Variants in KCNB2 observed in about 807,000 individuals in gnomAD.
KCNB2 encodes delayed rectifier potassium channel protein.
Under a neutral mutation model 61.5 loss-of-function variants are expected in KCNB2, and 15 were observed. That is an observed-to-expected ratio of 0.24 (90% CI 0.16 to 0.38). The LOEUF is 0.38. Ranked by LOEUF, KCNB2 falls within the 10% of genes least tolerant of loss-of-function variation. The pLI, the probability that KCNB2 is intolerant of heterozygous loss-of-function variation, is 1.00. For missense variants in KCNB2, 828 were observed against 1,125.2 expected, an observed-to-expected ratio of 0.74 and a Z score of 3.78; for synonymous variants, 457 against 446.0, an observed-to-expected ratio of 1.02 and a Z score of -0.31.
At chr8:72,598,314 G>A (rs898151305) in intron 2 of KCNB2, among the ~76,000 whole-genome samples, 16 of 152,134 alleles carry the variant, frequency 1.1e-4, no homozygotes, top group Admixed American at 5.2e-4. Context: ...ATCAATAAAC[G>A]TAATCCAGCA....
intron 2 of KCNB2, among the ~76,000 whole-genome samples, chr8:72,863,064 T>A (rs1805447011): frequency 6.6e-6 from 1 of 152,222 alleles, no homozygotes; most frequent in South Asian, 2.1e-4. Flanking sequence ...AATTACAATA[T>A]AATGTTAAGA....
At position 72,936,636 on chromosome 8, in the gene KCNB2, G is replaced by A; in HGVS notation, c.1281G>A (p.Gln427=). The A allele has an allele frequency of 6.2e-7, 1 of 1,614,178 alleles. No homozygotes were observed. Among genetic ancestry groups the A allele is most frequent in the Non-Finnish European group, 8.5e-7 (1 of 1,180,014 alleles). The change falls in exon 3 of 3, where the codon CAG becomes CAA. Residue 427 remains glutamine, a synonymous_variant. Coordinates refer to ENST00000523207, the MANE Select transcript of KCNB2 (RefSeq NM_004770.3). This position sits in a 1 kb window ranked among gnomAD's most constrained non-coding sequence, Gnocchi z 5.6. ...VNNFSEFYKE[Q]KRQEKAIKRR... ...ATTTTTCTGAGTTTTACAAGGAGCA[G>A]AAACGCCAAGAGAAAGCAATTAAAA...
At chr8:72,617,953 C>T (rs894221681) in intron 2 of KCNB2, among the ~76,000 whole-genome samples, 3 of 152,156 alleles carry the variant, frequency 2.0e-5, no homozygotes, top group South Asian at 4.1e-4. Flanking sequence ...TGTGGTGGAA[C>T]GACTTCAGGG....
rs541875949 is a variant in KCNB2 at position 72,603,186 on chromosome 8, A to G, written c.579+34873A>G. Among the ~76,000 whole-genome samples, 9 of 152,192 alleles carry G rather than the reference A, an allele frequency of 5.9e-5. No homozygotes were observed. The East Asian group carries it at 9.7e-4, about 16-fold the overall frequency. ...TGTGTGATTGTGTCACTTCTCATCA[A>G]TGGCTCCTATTGGTTTATAAAGCGA... On this transcript the variant is annotated intron_variant, in intron 2 of 2. Coordinates refer to ENST00000523207, the MANE Select transcript of KCNB2 (RefSeq NM_004770.3).
chr8:72,794,305 G>A lies in KCNB2; in HGVS notation c.580-141630G>A, dbSNP rs553806173. Among the ~76,000 whole-genome samples, 16 of 152,286 alleles carry A rather than the reference G, an allele frequency of 1.1e-4. No individual in the cohort carries two copies. The South Asian group carries it at 3.1e-3, about 30-fold the overall frequency. ...ATGGTGGCCGGACACGGTGGCTCAC[G>A]CCTGTAATCCCAGCACTTTGGGAGG... On this transcript the variant is annotated intron_variant, in intron 2 of 2. Coordinates refer to ENST00000523207, the MANE Select transcript of KCNB2 (RefSeq NM_004770.3).
chr8:72,924,860 T>C (rs112998361), intron 2 of KCNB2, among the ~76,000 whole-genome samples: 1,679 of 152,242 alleles, frequency 0.011, 32 homozygotes, highest in African/African-American at 0.038. Context: ...CTACTGTTCA[T>C]AGGGCCCTGG....
chr8:72,718,354 C>T (rs1310235312), intron 2 of KCNB2, among the ~76,000 whole-genome samples: 2 of 152,142 alleles, frequency 1.3e-5, no homozygotes, highest in African/African-American at 4.8e-5. Flanking sequence ...GCTATAAAGA[C>T]ACATGCACAC....
At chr8:72,727,962 T>G (rs1168761405) in intron 2 of KCNB2, among the ~76,000 whole-genome samples, 2 of 152,194 alleles carry the variant, frequency 1.3e-5, no homozygotes, top group African/African-American at 4.8e-5. Context: ...ACCAGAATTA[T>G]ATATCCAAAA....
Position 72,937,574 on chromosome 8 carries a change from C to A in KCNB2, c.2219C>A (p.Thr740Asn). ...PPSTARPLPV[T>N]TADFSLTTPQ... ...AGCACAGCCAGGCCACTGCCAGTCA[C>A]CACAGCTGACTTTTCGCTCACTACC... Residue 740 changes from threonine to asparagine, a missense_variant, in exon 3 of 3, where the codon ACC (threonine) becomes AAC (asparagine). Around this residue, in one of 4 missense-constraint regions of KCNB2, gnomAD observed 559 missense variants for 588.4 expected, o/e 0.95. Coordinates refer to ENST00000523207, the MANE Select transcript of KCNB2 (RefSeq NM_004770.3). 6.2e-7 allele frequency: 1 copy of A among 1,614,100 alleles called. No individual in the cohort carries two copies. The highest frequency in any genetic ancestry group is 8.5e-7 in the Non-Finnish European group (1 of 1,180,008).
At chr8:72,831,799 T>G (rs1459894272) in intron 2 of KCNB2, among the ~76,000 whole-genome samples, 1 of 152,238 alleles carries the variant, frequency 6.6e-6, no homozygotes, top group Non-Finnish European at 1.5e-5. Context: ...TGAGAAAAGA[T>G]GCAAGGAATT....
In KCNB2 at chr8:72,938,063, A is replaced by G. The variant is rs1219925157; in HGVS notation, c.2708A>G (p.Tyr903Cys). ...CATTCCAACCCAGGAGACACAGGTT[A>G]TTGTCCCACACGTGAAACCAGCATG... ...EIHSNPGDTG[Y>C]CPTRETSM The change falls in exon 3 of 3, where the codon TAT becomes TGT. Residue 903 changes from tyrosine (Y) to cysteine (C), a missense_variant. Tyr to Cys is a radical substitution (Grantham distance 194, BLOSUM62 -2). Around this residue, in one of 4 missense-constraint regions of KCNB2, gnomAD observed 559 missense variants for 588.4 expected, o/e 0.95. Coordinates refer to ENST00000523207, the MANE Select transcript of KCNB2 (RefSeq NM_004770.3). 6.2e-7 allele frequency: 1 copy of G among 1,612,660 alleles called. No homozygotes were observed. Among genetic ancestry groups the G allele is most frequent in the East Asian group, 2.2e-5 (1 of 44,886 alleles).
intron 2 of KCNB2, chr8:72,751,643 G>A (rs189814188): frequency 1.3e-5 from 2 of 152,234 alleles, no homozygotes; most frequent in Admixed American, 6.5e-5. Context: ...TTGTGCAATC[G>A]TCTTTGACTT....
intron 2 of KCNB2, among the ~76,000 whole-genome samples, chr8:72,715,228 C>T (rs1807410180): frequency 1.3e-5 from 2 of 152,084 alleles, no homozygotes; most frequent in South Asian, 4.1e-4. Context: ...TTTAATACCC[C>T]ACTGTCAACA....
intron 2 of KCNB2, among the ~76,000 whole-genome samples, chr8:72,611,043 A>C (rs1461473740): frequency 6.6e-6 from 1 of 152,206 alleles, no homozygotes; most frequent in East Asian, 1.9e-4. Context: ...ATGAATCAAG[A>C]CATGTATGTT....
intron 2 of KCNB2, among the ~76,000 whole-genome samples, chr8:72,631,908 T>C (rs992373458): frequency 1.3e-5 from 2 of 152,088 alleles, no homozygotes; most frequent in African/African-American, 4.8e-5. Context: ...TTTTTCTGTA[T>C]GGTCTACAAG....
chr8:72,634,196 A>C (rs1249040440), intron 2 of KCNB2, among the ~76,000 whole-genome samples: 1 of 152,214 alleles, frequency 6.6e-6, no homozygotes, highest in Non-Finnish European at 1.5e-5. Context: ...GCATTTTGTA[A>C]ATGCTAGATA....
At chr8:72,579,236 G>C (rs966425143) in intron 2 of KCNB2, among the ~76,000 whole-genome samples, 6 of 152,046 alleles carry the variant, frequency 3.9e-5, no homozygotes, top group Admixed American at 1.3e-4. Flanking sequence ...ATACTTTACT[G>C]AACAACTGTT....
intron 2 of KCNB2, among the ~76,000 whole-genome samples, chr8:72,652,932 C>T (rs1369092553): frequency 1.3e-5 from 2 of 152,120 alleles, no homozygotes; most frequent in Non-Finnish European, 2.9e-5. Context: ...TTGATGCCTT[C>T]TAGAGGCAGT....
rs73686507 is a variant in KCNB2 at position 72,772,934 on chromosome 8, C to T, written c.580-163001C>T. 4.9e-3 allele frequency among the ~76,000 whole-genome samples: 750 copies of T among 152,262 alleles called. 7 individuals carry two copies. Among genetic ancestry groups the T allele is most frequent in the African/African-American group, 0.017 (713 of 41,540 alleles). Reference sequence around the variant, plus strand: ...AGATGTCAGCTAAGGCATTCTAAAGCCCTTAGGCACAAAAATATCCCTCTT... The same window carrying T: ...AGATGTCAGCTAAGGCATTCTAAAGTCCTTAGGCACAAAAATATCCCTCTT... On this transcript the variant is annotated intron_variant, in intron 2 of 2. Transcript: ENST00000523207.
Sources: gnomAD v4.1 joint callset for allele counts (sites outside exome capture counted in the v4.1 genomes callset) on GRCh38, gnomAD v4.1.1 for gene constraint, gnomAD v4.1.1 regional missense constraint, Gnocchi (gnomAD v3.1) non-coding constraint, MANE v1.5 for transcripts, NCBI Gene and HGNC (gene_info 2026-07-23, HGNC 2026-07-21) for gene names.